TMOD2: variants seen among roughly 807,000 people sequenced by gnomAD.
TMOD2 encodes tropomodulin-2.
In TMOD2, 22 loss-of-function variants were observed where a neutral mutation model predicts 39.9. That is an observed-to-expected ratio of 0.55 (90% CI 0.39 to 0.79). TMOD2 has a LOEUF of 0.79. TMOD2 is among the 30% of genes least tolerant of loss of function. TMOD2 has a pLI of 0.00. For missense variants in TMOD2, 386 were observed against 413.3 expected (o/e 0.93, Z 0.57); for synonymous variants, 123 against 146.1 (o/e 0.84, Z 1.14).
At chr15:51,795,549 T>C (rs1567245472) in intron 7 of TMOD2, among the ~76,000 whole-genome samples, 1 of 151,826 alleles carries the variant, frequency 6.6e-6, no homozygotes. Flanking sequence ...AATTATTTGA[T>C]AACTTCTTCT....
chr15:51,765,083 C>T (rs1309717878), intron 1 of TMOD2, among the ~76,000 whole-genome samples: 1 of 152,108 alleles, frequency 6.6e-6, no homozygotes, highest in Non-Finnish European at 1.5e-5. Context: ...GCACTGCAAC[C>T]TCTGCCTCCC....
At chr15:51,779,493 G>C (rs750584932) in intron 5 of TMOD2, among the ~76,000 whole-genome samples, 3 of 150,876 alleles carry the variant, frequency 2.0e-5, no homozygotes, top group Admixed American at 2.0e-4. Flanking sequence ...CCATTCTTCT[G>C]CCTCAGCCTC....
chr15:51,764,085 TAAAAAA>T (rs34484778), intron 1 of TMOD2, among the ~76,000 whole-genome samples: 3 of 148,176 alleles, frequency 2.0e-5, no homozygotes, highest in Non-Finnish European at 4.5e-5. Flanking sequence ...ATTAAAGATT[TAAAAAA>T]AAAAAAGGAG....
At chr15:51,800,908 T>C (rs771722398) in intron 8 of TMOD2, among the ~76,000 whole-genome samples, 1 of 152,202 alleles carries the variant, frequency 6.6e-6, no homozygotes, top group African/African-American at 2.4e-5. Flanking sequence ...TCTCACTATA[T>C]TTCCCAGGTT....
intron 7 of TMOD2, among the ~76,000 whole-genome samples, chr15:51,793,347 A>G (rs1000162958): frequency 1.3e-5 from 2 of 152,224 alleles, no homozygotes; most frequent in African/African-American, 4.8e-5. Context: ...ATTTGAAAAT[A>G]TAATGAGGTA....
intron 8 of TMOD2, among the ~76,000 whole-genome samples, chr15:51,804,281 G>T (rs2056108111): frequency 6.6e-6 from 1 of 152,064 alleles, no homozygotes; most frequent in African/African-American, 2.4e-5. Context: ...TATGGATGAG[G>T]TAAATGTATA....
intron 7 of TMOD2, among the ~76,000 whole-genome samples, chr15:51,790,985 G>A (rs1225439516): frequency 6.6e-6 from 1 of 152,146 alleles, no homozygotes; most frequent in Admixed American, 6.5e-5. Flanking sequence ...ATTCAACATA[G>A]TATTAGAAGT....
At chr15:51,765,196 T>C (rs1282863220) in intron 1 of TMOD2, among the ~76,000 whole-genome samples, 2 of 152,196 alleles carry the variant, frequency 1.3e-5, no homozygotes, top group Non-Finnish European at 2.9e-5. Flanking sequence ...AGATGGGGTT[T>C]CACCATATTG....
At chr15:51,781,320 G>C (rs1345446819) in intron 6 of TMOD2, 146 bp downstream of exon 6, 2 of 680,494 alleles carry the variant, frequency 2.9e-6, no homozygotes, top group Non-Finnish European at 4.6e-6. Flanking sequence ...CAAAAGAAGT[G>C]GGTTTTGGAA....
chr15:51,813,276 C>T lies in TMOD2; in HGVS notation c.*4822C>T, dbSNP rs139335861. 6.6e-6 allele frequency: 1 copy of T among 152,316 alleles called. No individual in the cohort carries two copies. The highest frequency in any genetic ancestry group is 1.9e-4 in the East Asian group (1 of 5,190). 9.4% of individuals were successfully genotyped at this position (152,316 alleles called of 1,614,324 possible). On this transcript the variant is annotated 3_prime_UTR_variant, in exon 10 of 10. Transcript: ENST00000249700. ...TAGCAATGACTGAATAATCAGTAGA[C>T]CAATGGAAGAGGAGTTGCAAGTTTA... is the stretch of plus-strand genomic sequence containing the variant.
At chr15:51,793,940 A>G (rs1390461315) in intron 7 of TMOD2, among the ~76,000 whole-genome samples, 1 of 152,262 alleles carries the variant, frequency 6.6e-6, no homozygotes, top group Non-Finnish European at 1.5e-5. Flanking sequence ...AGGACCTAGC[A>G]CAGAATAAAT....
chr15:51,796,241 T>C (rs1022348652), intron 7 of TMOD2, among the ~76,000 whole-genome samples: 25 of 152,156 alleles, frequency 1.6e-4, no homozygotes, highest in Admixed American at 1.6e-3. Context: ...ATATTTTATT[T>C]ATTAATTTAT....
chr15:51,781,976 A>T (rs1216407121), intron 6 of TMOD2, among the ~76,000 whole-genome samples: 3 of 152,158 alleles, frequency 2.0e-5, no homozygotes, highest in Non-Finnish European at 4.4e-5. Flanking sequence ...TATCTCATTT[A>T]ATTATTAGTT....
At chr15:51,782,933 C>T (rs1049430694) in intron 7 of TMOD2, 105 bp downstream of exon 7, 2 of 1,050,766 alleles carry the variant, frequency 1.9e-6, no homozygotes, top group African/African-American at 3.2e-5. Flanking sequence ...GAAAACTTAC[C>T]TTCTACACAG....
chr15:51,791,709 A>G (rs759985087), intron 7 of TMOD2, among the ~76,000 whole-genome samples: 7 of 152,232 alleles, frequency 4.6e-5, no homozygotes, highest in African/African-American at 9.6e-5. Flanking sequence ...CCACACATCT[A>G]CAACCATCTG....
rs746294320 is a variant in TMOD2, at chr15:51,776,999, T to A, written c.474T>A (p.Gly158=). ...KFDEETANNK[G]GKGPVRNVVK... ...ATGAAGAAACAGCCAACAATAAAGG[T>A]GGCAAAGGACCTGTCAGAAGTAAGT... The change falls in exon 5 of 10, where the codon GGT becomes GGA. Residue 158 remains glycine, a synonymous_variant. Coordinates refer to ENST00000249700, the MANE Select transcript of TMOD2 (RefSeq NM_014548.4). The A allele has an allele frequency of 6.8e-6, 11 of 1,613,706 alleles. No homozygotes were observed. In the South Asian group the frequency reaches 1.2e-4, roughly 18 times the overall value.
Position 51,806,514 on chromosome 15 carries a change from T to C in TMOD2, c.1014T>C (p.Asn338=). 3 of 1,614,150 alleles carry C rather than the reference T, an allele frequency of 1.9e-6. No homozygotes were observed. Among genetic ancestry groups the C allele is most frequent in the Non-Finnish European group, 2.5e-6 (3 of 1,180,008 alleles). Residue 338 remains asparagine, a synonymous_variant, in exon 9 of 10, where the codon AAT becomes AAC. Coordinates refer to ENST00000249700, the MANE Select transcript of TMOD2 (RefSeq NM_014548.4). ...TRVAAAITKN[N]DLVRKKRVEA... Reference sequence around the variant, plus strand: ...TGGCAGCTGCCATCACAAAGAATAATGACCTGGGTAATTCAGCCATAATAT... The same window carrying C: ...TGGCAGCTGCCATCACAAAGAATAACGACCTGGGTAATTCAGCCATAATAT...
Position 51,787,354 on chromosome 15 carries a change from G to C in TMOD2, c.732+4526G>C, listed in dbSNP as rs117124544. Among the ~76,000 whole-genome samples, 431 of 152,344 alleles carry C rather than the reference G, an allele frequency of 2.8e-3. 1 individual carries two copies. Among genetic ancestry groups the C allele is most frequent in the Non-Finnish European group, 3.5e-3 (236 of 68,024 alleles). On this transcript the variant is annotated intron_variant, in intron 7 of 9. Coordinates refer to ENST00000249700, the MANE Select transcript of TMOD2 (RefSeq NM_014548.4). ...TGTAAACAAAGCGGCATGGAAGCTC[G>C]AACTGGGCGGGGCCCACCACAGCTC... is the stretch of plus-strand genomic sequence containing the variant.
At position 51,811,420 on chromosome 15, in the gene TMOD2, G is replaced by C. The variant is rs2056155720; in HGVS notation, c.*2966G>C. The C allele has an allele frequency of 6.6e-6, 1 of 152,100 alleles. No individual in the cohort carries two copies. Among genetic ancestry groups the C allele is most frequent in the Non-Finnish European group, 1.5e-5 (1 of 68,036 alleles). The allele number at this position is 152,100 out of a possible 1,614,324, so 9.4% of individuals were successfully genotyped here. A position where few individuals can be genotyped will look rare whatever the true frequency, so the allele number is the denominator to read the frequency against. ...TCCCTCCCCCTTTTAGAGTTGTGCA[G>C]GTCCACTTTAAGTGTAAAATCACTC... On this transcript the variant is annotated 3_prime_UTR_variant, in exon 10 of 10. Transcript: ENST00000249700.
Sources: gnomAD v4.1 joint callset for allele counts (sites outside exome capture counted in the v4.1 genomes callset) on GRCh38, gnomAD v4.1.1 for gene constraint, MANE v1.5 for transcripts, NCBI Gene and HGNC (gene_info 2026-07-23, HGNC 2026-07-21) for gene names.